Variants in OGA observed in about 807,000 individuals in gnomAD.
OGA encodes the protein O-GlcNAcase.
OGA carries 21 observed loss-of-function variants against 102.0 expected under a neutral mutation model. The observed-to-expected ratio is 0.21, with a 90% CI of 0.15 to 0.30. The LOEUF is 0.30. Among genes scored for constraint, OGA ranks in the 10% least tolerant of loss-of-function variants. The probability of loss-of-function intolerance (pLI) is 1.00; values close to 1 mark genes in which losing one functional copy is unlikely to be tolerated. For synonymous variants in OGA, 408 were observed against 378.2 expected, an observed-to-expected ratio of 1.08 and a Z score of -0.91; for missense variants, 765 against 1,107.8, an observed-to-expected ratio of 0.69 and a Z score of 4.39.
At chr10:101,796,607 A>C (rs1008170856) in intron 10 of OGA, among the ~76,000 whole-genome samples, 3 of 148,548 alleles carry the variant, frequency 2.0e-5, no homozygotes, top group African/African-American at 7.5e-5. Flanking sequence ...GTCTCCCTCT[A>C]TCGCCCAGGC....
chr10:101,817,199 T>C (rs748812831), intron 1 of OGA, among the ~76,000 whole-genome samples: 9 of 152,184 alleles, frequency 5.9e-5, no homozygotes, highest in Non-Finnish European at 1.3e-4. Flanking sequence ...GTCACTAAAT[T>C]CCAATTACGC....
chr10:101,803,764 A>T lies in OGA; in HGVS notation c.1007T>A (p.Met336Lys). The T allele has an allele frequency of 5.6e-6, 9 of 1,614,096 alleles. No homozygotes were observed. The highest frequency in any genetic ancestry group is 7.6e-6 in the Non-Finnish European group (9 of 1,179,984). The change falls in exon 7 of 16, where the codon ATG (methionine) becomes AAG (lysine). Residue 336 changes from methionine to lysine, a missense_variant. Met to Lys is a moderately conservative substitution (Grantham distance 95). Coordinates refer to ENST00000361464, the MANE Select transcript of OGA (RefSeq NM_012215.5). ...CACTACATCTTTTCTCACTCCATTC[A>T]TGTTTGATTTGTACCAGGTGGCAAG... ...HTLATWYKSN[M>K]NGVRKDVVMT... is the part of the protein sequence containing the mutation.
chr10:101,804,143 G>C (rs978555516), intron 6 of OGA, 124 bp from the exon 7 acceptor site: 5 of 721,660 alleles, frequency 6.9e-6, no homozygotes, highest in South Asian at 2.0e-5. Context: ...CCAGGAGTTC[G>C]GACCAGCCTG....
At chr10:101,797,850 A>G (rs768232479) in intron 10 of OGA, 130 bp downstream of exon 10, 31 of 869,816 alleles carry the variant, frequency 3.6e-5, no homozygotes, top group Non-Finnish European at 5.6e-5. Flanking sequence ...TATTTTTGAA[A>G]GAAACCTAGG....
At chr10:101,812,040 T>TA in intron 3 of OGA, among the ~76,000 whole-genome samples, 1 of 152,340 alleles carries the variant, frequency 6.6e-6, no homozygotes, top group Non-Finnish European at 1.5e-5. Context: ...TGCTTCTTTG[T>TA]AATTCAAGAA....
intron 14 of OGA, among the ~76,000 whole-genome samples, chr10:101,789,107 T>C (rs898622163): frequency 9.2e-5 from 14 of 152,200 alleles, no homozygotes; most frequent in Non-Finnish European, 1.9e-4. Flanking sequence ...ACCAGCATAG[T>C]GTCAGTGTAA....
intron 5 of OGA, among the ~76,000 whole-genome samples, chr10:101,807,180 C>T (rs538574461): frequency 1.3e-5 from 2 of 152,012 alleles, no homozygotes; most frequent in Non-Finnish European, 2.9e-5. Context: ...TCTTCCTGAA[C>T]AAGGAAGTGT....
chr10:101,806,763 T>C (rs1479990565), intron 5 of OGA, among the ~76,000 whole-genome samples: 2 of 152,166 alleles, frequency 1.3e-5, no homozygotes, highest in South Asian at 2.1e-4. Context: ...AATATCATAA[T>C]AGAACTAATA....
At position 101,784,998 on chromosome 10, in the gene OGA, C is replaced by T. The variant is rs1438322610; in HGVS notation, c.*1453G>A. The T allele has an allele frequency of 6.6e-6, 1 of 152,208 alleles. No homozygotes were observed. The allele number at this position is 152,208 out of a possible 1,614,324, so 9.4% of individuals were successfully genotyped here. A position where few individuals can be genotyped will look rare whatever the true frequency, so the allele number is the denominator to read the frequency against. ...TCACTAGGTACCACTAGGTACAATG[C>T]TTTAGGGCTCTCTCAAAGCCCACAA... On this transcript the variant is annotated 3_prime_UTR_variant, in exon 16 of 16. Coordinates refer to ENST00000361464, the MANE Select transcript of OGA (RefSeq NM_012215.5).
chr10:101,803,343 C>A (rs1398666396), intron 7 of OGA, among the ~76,000 whole-genome samples: 1 of 151,386 alleles, frequency 6.6e-6, no homozygotes, highest in African/African-American at 2.4e-5. Flanking sequence ...AAAGACTGAA[C>A]CATATTTTAT....
At chr10:101,790,041 G>A (rs911693623) in intron 14 of OGA, among the ~76,000 whole-genome samples, 2 of 152,102 alleles carry the variant, frequency 1.3e-5, no homozygotes, top group Non-Finnish European at 2.9e-5. Flanking sequence ...CCAACATGGG[G>A]CATAAAACTT....
chr10:101,791,380 T>C lies in OGA; in HGVS notation c.2235A>G (p.Gln745=). The C allele has an allele frequency of 6.2e-7, 1 of 1,613,982 alleles. No homozygotes were observed. Among genetic ancestry groups the C allele is most frequent in the Non-Finnish European group, 8.5e-7 (1 of 1,179,876 alleles). Residue 745 remains glutamine (Q), a synonymous_variant, in exon 13 of 16, where the codon CAA becomes CAG. Coordinates refer to ENST00000361464, the MANE Select transcript of OGA (RefSeq NM_012215.5). ...MYDDGVGLPF[Q]SQPDLIGDKL... is the part of the protein sequence containing the mutation. Reference sequence around the variant, plus strand: ...TGTCTCCAATAAGATCAGGCTGACTTTGAAAGGGTAAACCCACTCCATCGT... The same window carrying C: ...TGTCTCCAATAAGATCAGGCTGACTCTGAAAGGGTAAACCCACTCCATCGT...
chr10:101,801,499 T>G (rs1186018093), intron 7 of OGA, among the ~76,000 whole-genome samples: 1 of 152,134 alleles, frequency 6.6e-6, no homozygotes, highest in East Asian at 1.9e-4. Context: ...AAGTCTGAAT[T>G]TTTTGATTTT....
chr10:101,803,114 C>T (rs1174136947), intron 7 of OGA, among the ~76,000 whole-genome samples: 1 of 149,006 alleles, frequency 6.7e-6, no homozygotes, highest in African/African-American at 2.5e-5. Context: ...GCACTCCAGC[C>T]TGGGCGATGG....
intron 6 of OGA, 132 bp from the exon 7 acceptor site, chr10:101,804,151 C>A: frequency 1.7e-6 from 1 of 599,206 alleles, no homozygotes. Context: ...TCGGACCAGC[C>A]TGGGCAACAC....
intron 1 of OGA, among the ~76,000 whole-genome samples, chr10:101,814,944 C>G (rs1472614589): frequency 2.0e-5 from 3 of 152,216 alleles, no homozygotes; most frequent in Non-Finnish European, 4.4e-5. Flanking sequence ...GCTCAAACCA[C>G]ACACTTTACA....
intron 14 of OGA, 106 bp from the exon 15 acceptor site, chr10:101,787,629 T>G: frequency 1.1e-6 from 1 of 892,774 alleles, no homozygotes; most frequent in African/African-American, 1.7e-5. Flanking sequence ...ACTCTTCCAG[T>G]CACTATGTAA....
chr10:101,792,223 T>C lies in OGA; in HGVS notation c.2175+616A>G, dbSNP rs564667458. 3.4e-3 allele frequency among the ~76,000 whole-genome samples: 520 copies of C among 152,234 alleles called. 6 individuals are homozygous for C. Among genetic ancestry groups the C allele is most frequent in the South Asian group, 7.7e-3 (37 of 4,822 alleles). Reference sequence around the variant, plus strand: ...TTTTAGTAGAGACAAGGTTTCACCATGGTCTCGATCTCCTGACCTCGTGAT... The same window carrying C: ...TTTTAGTAGAGACAAGGTTTCACCACGGTCTCGATCTCCTGACCTCGTGAT... On this transcript the variant is annotated intron_variant, in intron 12 of 15. Transcript: ENST00000361464.
chr10:101,818,293 T>C lies in OGA; in HGVS notation c.-271A>G. 5 of 1,238,742 alleles carry C rather than the reference T, an allele frequency of 4.0e-6. No individual in the cohort carries two copies. Among genetic ancestry groups the C allele is most frequent in the South Asian group, 5.4e-5 (2 of 37,172 alleles). The allele number at this position is 1,238,742 out of a possible 1,614,324, so 76.7% of individuals were successfully genotyped here. On this transcript the variant is annotated 5_prime_UTR_variant, in exon 1 of 16. Transcript: ENST00000361464. ...CTAAGCGGAGAGCGAGGCTGTGACCTCTCGTTCCCTGGAAGAAGACGGCCA... is the reference window on the plus strand; with the variant it reads ...CTAAGCGGAGAGCGAGGCTGTGACCCCTCGTTCCCTGGAAGAAGACGGCCA...
Sources: allele counts gnomAD v4.1 joint callset (sites outside exome capture counted in the v4.1 genomes callset), GRCh38; gene constraint gnomAD v4.1.1; transcripts MANE v1.5; gene names NCBI Gene and HGNC (gene_info 2026-07-23, HGNC 2026-07-21).